Variants in FAF1 observed in about 807,000 individuals in gnomAD.
The protein encoded by FAF1 is Fas associated factor 1, also known as FAS-associated factor 1.
Under a neutral mutation model 92.5 loss-of-function variants are expected in FAF1, and 25 were observed. The ratio of observed to expected loss-of-function variants is 0.27; its 90% CI spans 0.20 to 0.38. The LOEUF (loss-of-function observed/expected upper bound fraction) is 0.38, where lower values mean the gene tolerates loss of function less well. Among genes scored for constraint, FAF1 ranks in the 10% least tolerant of loss-of-function variants. The probability of loss-of-function intolerance (pLI) is 1.00; values close to 1 mark genes in which losing one functional copy is unlikely to be tolerated. For synonymous variants in FAF1, 234 were observed against 273.2 expected, an observed-to-expected ratio of 0.86 and a Z score of 1.42; for missense variants, 636 against 793.3, an observed-to-expected ratio of 0.80 and a Z score of 2.38.
chr1:50,742,176 G>T (rs1230145837), intron 5 of FAF1, among the ~76,000 whole-genome samples: 1 of 151,236 alleles, frequency 6.6e-6, no homozygotes, highest in East Asian at 1.9e-4. Flanking sequence ...AATTAGCCAG[G>T]CGTGGTGCAC....
intron 13 of FAF1, among the ~76,000 whole-genome samples, chr1:50,544,581 G>C (rs773608810): frequency 1.2e-4 from 19 of 152,300 alleles, no homozygotes; most frequent in Middle Eastern, 3.4e-3. Context: ...GGCAATGATA[G>C]CTTCACTGGA....
intron 13 of FAF1, among the ~76,000 whole-genome samples, chr1:50,542,795 G>A (rs919726803): frequency 2.0e-5 from 3 of 152,136 alleles, no homozygotes; most frequent in East Asian, 1.9e-4. Flanking sequence ...GGGGACTAAC[G>A]AGTTGCCAAA....
chr1:50,614,412 G>A (rs1652814338), intron 8 of FAF1, among the ~76,000 whole-genome samples: 2 of 151,806 alleles, frequency 1.3e-5, no homozygotes, highest in African/African-American at 2.4e-5. Flanking sequence ...TAGAGTTAAG[G>A]GGGGAAAAAA....
At chr1:50,499,800 G>T (rs1485673396) in intron 15 of FAF1, among the ~76,000 whole-genome samples, 1 of 151,898 alleles carries the variant, frequency 6.6e-6, no homozygotes, top group African/African-American at 2.4e-5. Context: ...AAAGAACAAA[G>T]AAATTTGTTA....
chr1:50,867,222 C>A (rs930152186), intron 1 of FAF1, among the ~76,000 whole-genome samples: 6 of 152,148 alleles, frequency 3.9e-5, no homozygotes, highest in African/African-American at 1.4e-4. Context: ...AAACCTGAAA[C>A]CGTACAACTC....
chr1:50,877,056 C>T (rs538880983), intron 1 of FAF1, among the ~76,000 whole-genome samples: 1 of 152,314 alleles, frequency 6.6e-6, no homozygotes, highest in Non-Finnish European at 1.5e-5. Context: ...AGCTACTCCA[C>T]CCTCAAGGAG....
In FAF1 at chr1:50,958,871, A is replaced by C. The variant is rs78905899; in HGVS notation, c.45+896T>G. Among the ~76,000 whole-genome samples the C allele has an allele frequency of 3.5e-3, 532 of 152,328 alleles. 7 individuals carry two copies. In the East Asian group the frequency reaches 0.067, roughly 19 times the overall value. On this transcript the variant is annotated intron_variant, in intron 1 of 18. Transcript: ENST00000396153. Reference sequence around the variant, plus strand: ...GACAGTAGCTTCTAAGTTGATGCCAAAATGGCCAAAAATATCTCACTAAAA... The same window carrying C: ...GACAGTAGCTTCTAAGTTGATGCCACAATGGCCAAAAATATCTCACTAAAA...
chr1:50,786,443 G>A (rs949254998), intron 4 of FAF1, among the ~76,000 whole-genome samples: 1 of 152,224 alleles, frequency 6.6e-6, no homozygotes, highest in Non-Finnish European at 1.5e-5. Flanking sequence ...GTTGCCAGGA[G>A]TTTGAGGGAG....
At chr1:50,909,514 A>G (rs909711879) in intron 1 of FAF1, among the ~76,000 whole-genome samples, 1 of 152,186 alleles carries the variant, frequency 6.6e-6, no homozygotes, top group Non-Finnish European at 1.5e-5. Flanking sequence ...AGGTACACCA[A>G]TCAGATGCAG....
chr1:50,466,837 A>G (rs1040985879), intron 18 of FAF1, among the ~76,000 whole-genome samples: 5 of 152,018 alleles, frequency 3.3e-5, no homozygotes, highest in Non-Finnish European at 5.9e-5. Context: ...TCTGGTCTAC[A>G]CTCTACCATA....
At chr1:50,679,953 C>T (rs1656348182) in intron 7 of FAF1, among the ~76,000 whole-genome samples, 1 of 152,120 alleles carries the variant, frequency 6.6e-6, no homozygotes, top group Admixed American at 6.5e-5. Context: ...AGTTCTAGAG[C>T]CTGGTAATAG....
intron 12 of FAF1, among the ~76,000 whole-genome samples, chr1:50,581,293 T>C (rs1434108027): frequency 6.6e-6 from 1 of 152,216 alleles, no homozygotes; most frequent in Non-Finnish European, 1.5e-5. Flanking sequence ...ATTAATCATC[T>C]TGGAATTTGA....
chr1:50,691,007 T>G (rs1656897318), intron 7 of FAF1, among the ~76,000 whole-genome samples: 2 of 152,352 alleles, frequency 1.3e-5, no homozygotes, highest in Admixed American at 1.3e-4. Flanking sequence ...ACATTTTGGC[T>G]ATTATGAACC....
intron 5 of FAF1, among the ~76,000 whole-genome samples, chr1:50,740,185 A>C (rs1160559855): frequency 6.6e-6 from 1 of 152,116 alleles, no homozygotes; most frequent in East Asian, 1.9e-4. Context: ...TTGAATGTTG[A>C]AAGTGACAAT....
At chr1:50,600,326 A>G (rs563558290) in intron 8 of FAF1, among the ~76,000 whole-genome samples, 2 of 152,320 alleles carry the variant, frequency 1.3e-5, no homozygotes, top group East Asian at 3.9e-4. Context: ...CACAAGACCA[A>G]TATTCTCCAA....
intron 2 of FAF1, among the ~76,000 whole-genome samples, chr1:50,839,647 T>C (rs2124642830): frequency 6.6e-6 from 1 of 152,284 alleles, no homozygotes; most frequent in East Asian, 1.9e-4. Flanking sequence ...ATAATACTTG[T>C]ATCAAGATGG....
At position 50,705,834 on chromosome 1, in the gene FAF1, G is replaced by A. The variant is rs148588882; in HGVS notation, c.609C>T (p.Val203=). 140 of 1,612,770 alleles carry A rather than the reference G, an allele frequency of 8.7e-5. No homozygotes were observed. Among genetic ancestry groups the A allele is most frequent in the African/African-American group, 6.4e-4 (48 of 74,964 alleles). The change falls in exon 7 of 19, where the codon GTC becomes GTT. Residue 203 remains valine (V), a synonymous_variant. Transcript: ENST00000396153. ...NFMLIITHRE[V]QREYNLNFSG... is the part of the protein sequence containing the mutation. The stretch of plus-strand genomic sequence containing the variant: ...AGAAGTTCAGGTTGTACTCCCGCTG[G>A]ACTTCTCGGTGGGTGATGATCAGCA...
chr1:50,767,754 A>C (rs1360279302), intron 4 of FAF1, among the ~76,000 whole-genome samples: 2 of 152,180 alleles, frequency 1.3e-5, no homozygotes, highest in African/African-American at 4.8e-5. Flanking sequence ...AAATGCTAGG[A>C]ATTTGTCACC....
intron 7 of FAF1, among the ~76,000 whole-genome samples, chr1:50,685,833 G>C (rs957158377): frequency 6.6e-6 from 1 of 152,172 alleles, no homozygotes; most frequent in Non-Finnish European, 1.5e-5. Context: ...TCAGTAACTA[G>C]AATATCACTG....
Sources: allele counts gnomAD v4.1 joint callset (sites outside exome capture counted in the v4.1 genomes callset), GRCh38; gene constraint gnomAD v4.1.1; transcripts MANE v1.5; gene names NCBI Gene and HGNC (gene_info 2026-07-23, HGNC 2026-07-21).